Variants in CXCL16 observed in about 807,000 individuals in gnomAD.
CXCL16 encodes the protein C-X-C motif chemokine 16.
Under a neutral mutation model 23.8 loss-of-function variants are expected in CXCL16, and 18 were observed. That is an observed-to-expected ratio of 0.76 (90% confidence interval 0.52 to 1.12). The LOEUF (loss-of-function observed/expected upper bound fraction) is 1.12. Ranked by LOEUF, CXCL16 falls within the 50% of genes most tolerant of loss-of-function variation. The probability of loss-of-function intolerance (pLI) is 0.00; values close to 1 mark genes in which losing one functional copy is unlikely to be tolerated. For synonymous variants in CXCL16, 123 were observed against 132.5 expected (o/e 0.93, Z 0.49); for missense variants, 297 against 315.4 (o/e 0.94, Z 0.44).
At chr17:4,737,535 A>C (rs1263348917) in intron 3 of CXCL16, among the ~76,000 whole-genome samples, 1 of 139,852 alleles carries the variant, frequency 7.2e-6, no homozygotes, top group East Asian at 2.2e-4. Context: ...AGCTGAGGGC[A>C]CCATTGCACT....
rs769996795 is a variant in CXCL16, at chr17:4,738,481, G to A, written c.228C>T (p.Leu76=). The A allele has an allele frequency of 6.2e-7, 1 of 1,613,454 alleles. No individual in the cohort carries two copies. The highest frequency in any genetic ancestry group is 1.1e-5 in the South Asian group (1 of 91,036). The change falls in exon 3 of 6, where the codon CTC becomes CTT. Residue 76 remains leucine, a synonymous_variant. Transcript: ENST00000293778. This position sits in a 1 kb window ranked among gnomAD's most constrained non-coding sequence, Gnocchi z 4.0. ...HRCLYYTRFQ[L]LSWSVCGGNK... is the part of the protein sequence containing the mutation. ...TGCCCCCACACACGCTCCAGGAAAGGAGCTGGAACCTGCGGAGGAGAGACC... is the reference window on the plus strand; with the variant it reads ...TGCCCCCACACACGCTCCAGGAAAGAAGCTGGAACCTGCGGAGGAGAGACC...
chr17:4,735,919 C>T (rs926841864), intron 3 of CXCL16, among the ~76,000 whole-genome samples: 3 of 151,978 alleles, frequency 2.0e-5, no homozygotes, highest in African/African-American at 7.3e-5. Context: ...ACTAAAAATA[C>T]AAAATTAGCC....
At chr17:4,736,267 C>CACAA (rs1555563234) in intron 3 of CXCL16, 1 of 151,964 alleles carries the variant, frequency 6.6e-6, no homozygotes, top group African/African-American at 2.4e-5. Context: ...CACAGAAAAA[C>CACAA]AGAGCAGAGT....
Position 4,734,386 on chromosome 17 carries a change from TGA to T in CXCL16, c.*115_*116del. 2.2e-6 allele frequency: 1 copy of T among 464,880 alleles called. No individual in the cohort carries two copies. Among genetic ancestry groups the T allele is most frequent in the Non-Finnish European group, 4.0e-6 (1 of 251,824 alleles). 28.8% of individuals were successfully genotyped at this position (464,880 alleles called of 1,614,324 possible). On this transcript the variant is annotated 3_prime_UTR_variant, in exon 6 of 6. Transcript: ENST00000293778. ...ATACGTGTAGGCTGGATGTGGTAGG[TGA>T]CGCCTATAATCCTCGCACCTTCAGA...
chr17:4,737,500 A>G (rs1263590859), intron 3 of CXCL16, among the ~76,000 whole-genome samples: 1 of 144,862 alleles, frequency 6.9e-6, no homozygotes, highest in Non-Finnish European at 1.5e-5. Flanking sequence ...GAATTGCTTG[A>G]ACCTGGGAGG....
At position 4,739,762 on chromosome 17, in the gene CXCL16, G is replaced by T; in HGVS notation, c.-423C>A. On this transcript the variant is annotated 5_prime_UTR_variant, in exon 1 of 6. Transcript: ENST00000293778. The surrounding 1 kb of genome is among the most constrained non-coding windows in gnomAD (Gnocchi z 5.3). ...TGGCCCGTCCGCCGACCTGTGAGGC[G>T]GCTGCACTGCCGGACCGGCCCTCCT... is the stretch of plus-strand genomic sequence containing the variant. The T allele has an allele frequency of 9.4e-7, 1 of 1,062,254 alleles. No homozygotes were observed. The highest frequency in any genetic ancestry group is 1.1e-6 in the Non-Finnish European group (1 of 873,498). The allele number at this position is 1,062,254 out of a possible 1,614,324, so 65.8% of individuals were successfully genotyped here.
Position 4,738,410 on chromosome 17 carries a change from T to G in CXCL16, c.299A>C (p.Lys100Thr). 1 of 1,612,938 alleles carries G rather than the reference T, an allele frequency of 6.2e-7. No homozygotes were observed. The highest frequency in any genetic ancestry group is 8.5e-7 in the Non-Finnish European group (1 of 1,178,932). Residue 100 changes from lysine (K) to threonine (T), a missense_variant and splice_region_variant, in exon 3 of 6, where the codon AAA becomes ACA. By Grantham distance (78) the Lys-to-Thr change is moderately conservative. Transcript: ENST00000293778. This position sits in a 1 kb window ranked among gnomAD's most constrained non-coding sequence, Gnocchi z 4.0. ...GAAGAGCAGTGGAAAAGTCTCACCT[T>G]TGAGATCAAGACAGCTCATCAATTC... ...VQELMSCLDL[K>T]ECGHAYSGIV... is the part of the protein sequence containing the mutation.
At chr17:4,734,746 C>A in intron 4 of CXCL16, 94 bp from the exon 5 acceptor site, 1 of 1,082,730 alleles carries the variant, frequency 9.2e-7, no homozygotes, top group Admixed American at 1.7e-5. Flanking sequence ...ATGAAGACAT[C>A]AACACTATGA....
Position 4,735,496 on chromosome 17 carries a change from G to A in CXCL16, c.314C>T (p.Ala105Val). Reference protein sequence around the residue: ...SCLDLKECGHAYSGIVAHQKH... With the variant: ...SCLDLKECGHVYSGIVAHQKH... ...CTGGTGGGCCACAATCCCCGAGTAA[G>A]CATGTCCACATTCTGGAAAGGAAAG... Residue 105 changes from alanine (A) to valine (V), a missense_variant, in exon 4 of 6, where the codon GCT (alanine) becomes GTT (valine). Physicochemically the swap from Ala to Val is moderately conservative, Grantham distance 64. Coordinates refer to ENST00000293778, the MANE Select transcript of CXCL16 (RefSeq NM_001386809.1). 6.6e-7 allele frequency: 1 copy of A among 1,505,026 alleles called. No homozygotes were observed. The highest frequency in any genetic ancestry group is 1.4e-5 in the South Asian group (1 of 73,568). The allele number at this position is 1,505,026 out of a possible 1,614,324, so 93.2% of individuals were successfully genotyped here.
chr17:4,739,424 T>G lies in CXCL16; in HGVS notation c.-85A>C, dbSNP rs201106268. The G allele has an allele frequency of 5.3e-5, 85 of 1,598,416 alleles. No homozygotes were observed. The East Asian group carries it at 1.7e-3, about 32-fold the overall frequency. On this transcript the variant is annotated 5_prime_UTR_variant, in exon 1 of 6. Transcript: ENST00000293778. The surrounding 1 kb of genome is among the most constrained non-coding windows in gnomAD (Gnocchi z 5.3). ...TCCGGCGCGTGACGTCCAGCTGGTGTCTCAATGGCTTTCGCCGGGGACCGG... is the reference window on the plus strand; with the variant it reads ...TCCGGCGCGTGACGTCCAGCTGGTGGCTCAATGGCTTTCGCCGGGGACCGG...
rs776297128 is a variant in CXCL16, at chr17:4,734,644, C to T, written c.727G>A (p.Val243Ile). 6 of 1,611,466 alleles carry T rather than the reference C, an allele frequency of 3.7e-6. No individual in the cohort carries two copies. Among genetic ancestry groups the T allele is most frequent in the Non-Finnish European group, 5.1e-6 (6 of 1,177,906 alleles). Reference protein sequence around the residue: ...QSPQSSPDLPVHYIPVAPDSN... With the variant: ...QSPQSSPDLPIHYIPVAPDSN... ...TCAGGTGCCACAGGTATATAATGAA[C>T]CGGCAGATCTGGAAAGGATAAAGAA... The change falls in exon 5 of 6, where the codon GTT becomes ATT. Residue 243 changes from valine to isoleucine, a missense_variant. By Grantham distance (29) the Val-to-Ile change is conservative. Coordinates refer to ENST00000293778, the MANE Select transcript of CXCL16 (RefSeq NM_001386809.1).
Position 4,738,782 on chromosome 17 carries a change from C to T in CXCL16, c.218G>A (p.Arg73Lys), listed in dbSNP as rs748215823. Residue 73 changes from arginine (R) to lysine (K), a missense_variant and splice_region_variant, in exon 2 of 6, where the codon AGG (arginine) becomes AAG (lysine). Transcript: ENST00000293778. The surrounding 1 kb of genome is among the most constrained non-coding windows in gnomAD (Gnocchi z 4.0). ...CCCTCGCAGAGGCAGGTAAAATTAC[C>T]TCGTGTAGTATAGACACCGATGGTA... ...RAYHRCLYYT[R>K]FQLLSWSVCG... is the part of the protein sequence containing the mutation. 6.2e-7 allele frequency: 1 copy of T among 1,613,816 alleles called. No individual in the cohort carries two copies. The highest frequency in any genetic ancestry group is 8.5e-7 in the Non-Finnish European group (1 of 1,179,856).
Position 4,738,688 on chromosome 17 carries a change from G to A in CXCL16, c.218+94C>T, listed in dbSNP as rs955303954. ...ACCCGGAGATGGGGCTCGGTGAGCC[G>A]GGAAGGAGTTCAGGCTGGACCAGAG... On this transcript the variant is annotated intron_variant, in intron 2 of 5. Transcript: ENST00000293778. The surrounding 1 kb of genome is among the most constrained non-coding windows in gnomAD (Gnocchi z 4.0). 42 of 1,335,060 alleles carry A rather than the reference G, an allele frequency of 3.1e-5. No homozygotes were observed. Among genetic ancestry groups the A allele is most frequent in the Non-Finnish European group, 4.3e-5 (41 of 963,592 alleles). The allele number at this position is 1,335,060 out of a possible 1,614,324, so 82.7% of individuals were successfully genotyped here. A position where few individuals can be genotyped will look rare whatever the true frequency, so the allele number is the denominator to read the frequency against.
chr17:4,738,975 G>T lies in CXCL16; in HGVS notation c.80-55C>A. 6 of 1,588,932 alleles carry T rather than the reference G, an allele frequency of 3.8e-6. No homozygotes were observed. The highest frequency in any genetic ancestry group is 4.3e-6 in the Non-Finnish European group (5 of 1,167,372). On this transcript the variant is annotated intron_variant, in intron 1 of 5. Coordinates refer to ENST00000293778, the MANE Select transcript of CXCL16 (RefSeq NM_001386809.1). The surrounding 1 kb of genome is among the most constrained non-coding windows in gnomAD (Gnocchi z 4.0). ...TTCCCAGGCCCAGGGTCCCCACTCCGCTGTTCCCTGGCATCCAATCCACAG... is the reference window on the plus strand; with the variant it reads ...TTCCCAGGCCCAGGGTCCCCACTCCTCTGTTCCCTGGCATCCAATCCACAG...
rs1225951246 is a variant in CXCL16 at position 4,738,532 on chromosome 17, C to A, written c.219-42G>T. 1 of 1,475,126 alleles carries A rather than the reference C, an allele frequency of 6.8e-7. No individual in the cohort carries two copies. The highest frequency in any genetic ancestry group is 2.3e-5 in the East Asian group (1 of 43,992). The allele number at this position is 1,475,126 out of a possible 1,614,324, so 91.4% of individuals were successfully genotyped here. On this transcript the variant is annotated intron_variant, in intron 2 of 5. Coordinates refer to ENST00000293778, the MANE Select transcript of CXCL16 (RefSeq NM_001386809.1). The surrounding 1 kb of genome is among the most constrained non-coding windows in gnomAD (Gnocchi z 4.0). ...TGGGCTTAGCTGCGGCGCCTTCTTT[C>A]CTTCCCCGGCTCCTTCCTCATTCCA...
At chr17:4,737,199 A>G (rs1254568818) in intron 3 of CXCL16, among the ~76,000 whole-genome samples, 1 of 152,214 alleles carries the variant, frequency 6.6e-6, no homozygotes, top group Non-Finnish European at 1.5e-5. Context: ...AAAAGAAAAA[A>G]AAGCATTAAA....
rs759137776 is a variant in CXCL16 at position 4,739,292 on chromosome 17, A to AAGCAGG, written c.42_47dup (p.Leu19_Leu20dup). 13 of 1,610,516 alleles carry AAGCAGG rather than the reference A, an allele frequency of 8.1e-6. No homozygotes were observed. Among genetic ancestry groups the AAGCAGG allele is most frequent in the Admixed American group, 6.7e-5 (4 of 59,592 alleles). On this transcript the variant is annotated inframe_insertion, in exon 1 of 6. Coordinates refer to ENST00000293778, the MANE Select transcript of CXCL16 (RefSeq NM_001386809.1). The surrounding 1 kb of genome is among the most constrained non-coding windows in gnomAD (Gnocchi z 5.3). The stretch of plus-strand genomic sequence containing the variant: ...GAGTCAGGTACACCAGCAGGAGCAG[A>AAGCAGG]AGCAGGAGCAGGAGCACGCGGGACC...
In CXCL16 at chr17:4,739,069, C is replaced by G. The variant is rs561127064; in HGVS notation, c.80-149G>C. 16 of 1,193,386 alleles carry G rather than the reference C, an allele frequency of 1.3e-5. No individual in the cohort carries two copies. In the East Asian group the frequency reaches 3.8e-4, roughly 28 times the overall value. The allele number at this position is 1,193,386 out of a possible 1,614,324, so 73.9% of individuals were successfully genotyped here. On this transcript the variant is annotated intron_variant, in intron 1 of 5. Coordinates refer to ENST00000293778, the MANE Select transcript of CXCL16 (RefSeq NM_001386809.1). The surrounding 1 kb of genome is among the most constrained non-coding windows in gnomAD (Gnocchi z 5.3). ...CTCAACCCACACATCATCACGCCCC[C>G]GACAACATCCATAATCCCGCCCGGA...
Position 4,735,285 on chromosome 17 carries a change from C to G in CXCL16, c.525G>C (p.Ala175=). ...CAGGCCCAGCTGCCAGACTGTGGCC[C>G]GCAGTGTGAATGGTGGTTTCATTGG... ...TRPNETTIHT[A]GHSLAAGPEA... is the part of the protein sequence containing the mutation. The change falls in exon 4 of 6, where the codon GCG becomes GCC. Residue 175 remains alanine, a synonymous_variant. Coordinates refer to ENST00000293778, the MANE Select transcript of CXCL16 (RefSeq NM_001386809.1). 1 of 1,614,122 alleles carries G rather than the reference C, an allele frequency of 6.2e-7. No individual in the cohort carries two copies. Among genetic ancestry groups the G allele is most frequent in the Non-Finnish European group, 8.5e-7 (1 of 1,180,006 alleles).
Sources: gnomAD v4.1 joint callset for allele counts (sites outside exome capture counted in the v4.1 genomes callset) on GRCh38, gnomAD v4.1.1 for gene constraint, Gnocchi (gnomAD v3.1) non-coding constraint, MANE v1.5 for transcripts, NCBI Gene and HGNC (gene_info 2026-07-23, HGNC 2026-07-21) for gene names.